CSMD1: variants seen among roughly 807,000 people sequenced by gnomAD.
CSMD1 encodes the protein CUB and Sushi multiple domains 1, also known as CUB and sushi domain-containing protein 1.
A neutral mutation model predicts 417.5 loss-of-function variants in CSMD1; 213 were observed. The ratio of observed to expected loss-of-function variants is 0.51; its 90% CI spans 0.46 to 0.57. The LOEUF is 0.57. Among genes scored for constraint, CSMD1 ranks in the 20% least tolerant of loss-of-function variants. The pLI is 0.00. For synonymous variants in CSMD1, 2,862 were observed against 1,736.8 expected, an observed-to-expected ratio of 1.65 and a Z score of -16.11; for missense variants, 6,923 against 4,529.7, an observed-to-expected ratio of 1.53 and a Z score of -15.17.
At chr8:3,131,216 A>G (rs1035579209) in intron 41 of CSMD1, among the ~76,000 whole-genome samples, 15 of 152,194 alleles carry the variant, frequency 9.9e-5, no homozygotes, top group Non-Finnish European at 7.3e-5. Context: ...TAAACAACAC[A>G]TGGCCAAGTC....
chr8:3,800,821 C>T (rs972828736), intron 5 of CSMD1, among the ~76,000 whole-genome samples: 1 of 152,044 alleles, frequency 6.6e-6, no homozygotes, highest in African/African-American at 2.4e-5. Context: ...CCCCTTTGAC[C>T]TTCTTCATCA....
chr8:4,337,809 G>A (rs917561343), intron 3 of CSMD1, among the ~76,000 whole-genome samples: 4 of 152,098 alleles, frequency 2.6e-5, no homozygotes, highest in Non-Finnish European at 5.9e-5. Context: ...TTTTTAATCA[G>A]TAGAATAAAT....
intron 1 of CSMD1, among the ~76,000 whole-genome samples, chr8:4,650,697 G>A (rs996452873): frequency 2.8e-4 from 43 of 151,904 alleles, no homozygotes; most frequent in African/African-American, 1.0e-3. Context: ...TTCTGTGTGT[G>A]ATTTTATTTT....
rs556027483 is a variant in CSMD1 at position 3,883,357 on chromosome 8, T to A, written c.818+114546A>T. ...TGGACACTAAAAAAGTCAATTAACATGAAGTTTTCCAGCTATCGATTTCTC... is the reference window on the plus strand; with the variant it reads ...TGGACACTAAAAAAGTCAATTAACAAGAAGTTTTCCAGCTATCGATTTCTC... On this transcript the variant is annotated intron_variant, in intron 5 of 69. Coordinates refer to ENST00000635120, the MANE Select transcript of CSMD1 (RefSeq NM_033225.6). Among the ~76,000 whole-genome samples the A allele has an allele frequency of 2.0e-5, 3 of 152,272 alleles. No individual in the cohort carries two copies. In the East Asian group the frequency reaches 5.8e-4, roughly 29 times the overall value.
At chr8:4,063,725 T>C (rs2554699) in intron 3 of CSMD1, among the ~76,000 whole-genome samples, 35,591 of 152,134 alleles carry the variant, frequency 0.23, 4,944 homozygotes, top group East Asian at 0.65. Context: ...TCCACTGCCT[T>C]AGAAATGGGA....
intron 4 of CSMD1, among the ~76,000 whole-genome samples, chr8:4,019,493 C>G (rs185868411): frequency 6.6e-6 from 1 of 152,102 alleles, no homozygotes; most frequent in African/African-American, 2.4e-5. Flanking sequence ...TACTGGGGCC[C>G]ATTGCATGAA....
At chr8:3,112,078 G>A (rs1439932262) in intron 42 of CSMD1, among the ~76,000 whole-genome samples, 2 of 151,844 alleles carry the variant, frequency 1.3e-5, no homozygotes, top group African/African-American at 4.8e-5. Context: ...CAGAGCACAC[G>A]GCTCCCACGA....
chr8:3,875,434 G>C (rs898963744), intron 5 of CSMD1, among the ~76,000 whole-genome samples: 1 of 152,136 alleles, frequency 6.6e-6, no homozygotes, highest in Non-Finnish European at 1.5e-5. Context: ...CTGCAGGAGG[G>C]AGTGAGATGA....
At chr8:3,878,826 T>C (rs17067842) in intron 5 of CSMD1, among the ~76,000 whole-genome samples, 35,333 of 151,994 alleles carry the variant, frequency 0.23, 5,412 homozygotes, top group African/African-American at 0.44. Context: ...CAGCTTTCCA[T>C]ATCTTATCAA....
intron 51 of CSMD1, among the ~76,000 whole-genome samples, chr8:3,020,786 A>T (rs1455622446): frequency 6.6e-6 from 1 of 152,198 alleles, no homozygotes; most frequent in African/African-American, 2.4e-5. Flanking sequence ...TCGAGAGTCC[A>T]TCACGACCAG....
At chr8:3,483,672 G>A (rs192060552) in intron 11 of CSMD1, among the ~76,000 whole-genome samples, 2 of 151,986 alleles carry the variant, frequency 1.3e-5, no homozygotes, top group East Asian at 3.9e-4. Context: ...TCAGACAAAG[G>A]CAGTACAAAA....
chr8:4,050,204 G>T (rs899352919), intron 3 of CSMD1, among the ~76,000 whole-genome samples: 1 of 152,046 alleles, frequency 6.6e-6, no homozygotes, highest in African/African-American at 2.4e-5. Flanking sequence ...TGATCACTTG[G>T]CTAGGGTCGT....
In CSMD1 at chr8:3,416,128, C is replaced by T. The variant is rs181465340; in HGVS notation, c.1562-6523G>A. Among the ~76,000 whole-genome samples, 5 of 151,152 alleles carry T rather than the reference C, an allele frequency of 3.3e-5. No homozygotes were observed. In the South Asian group the frequency reaches 6.3e-4, roughly 19 times the overall value. On this transcript the variant is annotated intron_variant, in intron 12 of 69. Coordinates refer to ENST00000635120, the MANE Select transcript of CSMD1 (RefSeq NM_033225.6). ...CATCCTGGATAACATGGTGAAACCC[C>T]GTCTCTACTAAAAATACAAAAAATT...
intron 3 of CSMD1, among the ~76,000 whole-genome samples, chr8:4,269,978 T>C (rs75050168): frequency 0.022 from 3,396 of 152,302 alleles, 138 homozygotes; most frequent in African/African-American, 0.077. Flanking sequence ...CAGCAAAATG[T>C]TGACCTGAGC....
At chr8:4,392,848 A>G (rs557896237) in intron 3 of CSMD1, among the ~76,000 whole-genome samples, 4 of 151,786 alleles carry the variant, frequency 2.6e-5, no homozygotes, top group Admixed American at 2.0e-4. Context: ...GGCACCTGTA[A>G]TCCCAGCTAC....
chr8:3,936,801 A>C (rs922445526), intron 5 of CSMD1, among the ~76,000 whole-genome samples: 2 of 152,188 alleles, frequency 1.3e-5, no homozygotes, highest in African/African-American at 4.8e-5. Flanking sequence ...TTGTTATTTA[A>C]GAAATATGTT....
At chr8:3,903,130 T>G (rs1248515311) in intron 5 of CSMD1, among the ~76,000 whole-genome samples, 1 of 152,142 alleles carries the variant, frequency 6.6e-6, no homozygotes, top group African/African-American at 2.4e-5. Flanking sequence ...TTACTGGCAC[T>G]TTGGAGAAAC....
intron 34 of CSMD1, among the ~76,000 whole-genome samples, chr8:3,189,631 T>C (rs1199748201): frequency 6.6e-6 from 1 of 152,184 alleles, no homozygotes; most frequent in Non-Finnish European, 1.5e-5. Context: ...TTTCCCAAAA[T>C]GAGATTATGT....
chr8:4,137,384 T>A (rs1803504189), intron 3 of CSMD1, among the ~76,000 whole-genome samples: 1 of 134,362 alleles, frequency 7.4e-6, no homozygotes, highest in South Asian at 2.4e-4. Context: ...CTAAATAGAT[T>A]AATGAAGAAC....
Sources: allele counts gnomAD v4.1 joint callset (sites outside exome capture counted in the v4.1 genomes callset), GRCh38; gene constraint gnomAD v4.1.1; transcripts MANE v1.5; gene names NCBI Gene and HGNC (gene_info 2026-07-23, HGNC 2026-07-21).